MROH7: variants seen among roughly 807,000 people sequenced by gnomAD.
MROH7 encodes maestro heat like repeat family member 7.
A neutral mutation model predicts 129.2 loss-of-function variants in MROH7; 113 were observed. The ratio of observed to expected loss-of-function variants is 0.87; its 90% CI spans 0.75 to 1.02. The LOEUF (loss-of-function observed/expected upper bound fraction) is 1.02. MROH7 is among the 50% of genes least tolerant of loss of function. The pLI is 0.00. For synonymous variants in MROH7, 655 were observed against 667.9 expected, an observed-to-expected ratio of 0.98 and a Z score of 0.30; for missense variants, 1,601 against 1,671.3, an observed-to-expected ratio of 0.96 and a Z score of 0.73.
Position 54,687,278 on chromosome 1 carries a change from T to C in MROH7, c.2711+830T>C, listed in dbSNP as rs915451065. Among the ~76,000 whole-genome samples the C allele has an allele frequency of 2.0e-5, 3 of 152,210 alleles. No homozygotes were observed. In the East Asian group the frequency reaches 5.8e-4, roughly 29 times the overall value. On this transcript the variant is annotated intron_variant, in intron 15 of 23. Transcript: ENST00000421030. Reference sequence around the variant, plus strand: ...TTAGTAGAGATGGGGTTTCACCACGTTGGCCAGGCTGGTCTTGAACTCCTG... The same window carrying C: ...TTAGTAGAGATGGGGTTTCACCACGCTGGCCAGGCTGGTCTTGAACTCCTG...
chr1:54,657,048 C>T (rs1018007815), intron 3 of MROH7, among the ~76,000 whole-genome samples: 2 of 132,436 alleles, frequency 1.5e-5, no homozygotes, highest in African/African-American at 2.8e-5. Context: ...TTCTCACCAT[C>T]TTTTTTTTTT....
At chr1:54,695,634 G>C in intron 17 of MROH7, 144 bp downstream of exon 17, 3 of 709,828 alleles carry the variant, frequency 4.2e-6, no homozygotes, top group Non-Finnish European at 7.8e-6. Flanking sequence ...TGATGATCTT[G>C]TTGGTCTCCC....
rs1645164674 is a variant in MROH7, at chr1:54,687,357, G to A, written c.2711+909G>A. ...CCCAAAGTGTTGGGATTATAGGCGT[G>A]AGCCACTGCACCCGGCTGAGCTGTC... On this transcript the variant is annotated intron_variant, in intron 15 of 23. Coordinates refer to ENST00000421030, the MANE Select transcript of MROH7 (RefSeq NM_001039464.4). Among the ~76,000 whole-genome samples the A allele has an allele frequency of 2.6e-5, 4 of 152,342 alleles. No homozygotes were observed. The South Asian group carries it at 8.3e-4, about 32-fold the overall frequency.
At chr1:54,686,576 G>A in intron 15 of MROH7, 128 bp downstream of exon 15, 1 of 814,250 alleles carries the variant, frequency 1.2e-6, no homozygotes, top group African/African-American at 1.7e-5. Context: ...AGAGAAAACA[G>A]AAGCACAATT....
chr1:54,656,149 C>T (rs1459451170), intron 3 of MROH7, among the ~76,000 whole-genome samples: 5 of 151,948 alleles, frequency 3.3e-5, no homozygotes, highest in South Asian at 2.1e-4. Flanking sequence ...CTGCCTCAGC[C>T]GCCCAAAGTG....
intron 13 of MROH7, among the ~76,000 whole-genome samples, chr1:54,682,268 G>A (rs1051011973): frequency 9.3e-5 from 14 of 151,036 alleles, no homozygotes; most frequent in East Asian, 1.9e-4. Context: ...GGGTTCAAGC[G>A]ATTCTCCTGC....
At chr1:54,660,147 G>C (rs963468635) in intron 3 of MROH7, among the ~76,000 whole-genome samples, 7 of 152,172 alleles carry the variant, frequency 4.6e-5, no homozygotes, top group African/African-American at 1.7e-4. Context: ...AAACAACAGG[G>C]ATTTATTTTC....
chr1:54,670,450 C>G, intron 5 of MROH7, 47 bp from the exon 6 acceptor site: 1 of 1,571,162 alleles, frequency 6.4e-7, no homozygotes, highest in Non-Finnish European at 8.7e-7. Context: ...CCCTGGTGGC[C>G]TGCAGTAGCC....
rs1446324385 is a variant in MROH7 at position 54,653,311 on chromosome 1, C to T, written c.385C>T (p.Leu129=). ...CCTCTGTCCAGCCTCAAACCCCATT[C>T]TGAGCCCTAGCTCTACTGAGGCCCC... is the stretch of plus-strand genomic sequence containing the variant. ...GRLCPASNPI[L]SPSSTEAPRL... is the part of the protein sequence containing the mutation. The change falls in exon 3 of 24, where the codon CTG becomes TTG. Residue 129 remains leucine, a synonymous_variant. Coordinates refer to ENST00000421030, the MANE Select transcript of MROH7 (RefSeq NM_001039464.4). 2 of 1,614,096 alleles carry T rather than the reference C, an allele frequency of 1.2e-6. No individual in the cohort carries two copies. Among genetic ancestry groups the T allele is most frequent in the Non-Finnish European group, 1.7e-6 (2 of 1,180,048 alleles).
Position 54,701,239 on chromosome 1 carries a change from G to A in MROH7, c.3202G>A (p.Val1068Ile). 6.2e-7 allele frequency: 1 copy of A among 1,614,176 alleles called. No homozygotes were observed. The highest frequency in any genetic ancestry group is 8.5e-7 in the Non-Finnish European group (1 of 1,179,990). Residue 1068 changes from valine to isoleucine, a missense_variant, in exon 19 of 24, where the codon GTC (valine) becomes ATC (isoleucine). By Grantham distance (29) the Val-to-Ile change is conservative. Coordinates refer to ENST00000421030, the MANE Select transcript of MROH7 (RefSeq NM_001039464.4). ...VVEAVHNLKA[V>I]FKGRDQKLMD... ...GGAAGCGGTCCACAACCTCAAGGCT[G>A]TCTTCAAGGGGCGGGACCAGAAGCT... is the stretch of plus-strand genomic sequence containing the variant.
intron 1 of MROH7, among the ~76,000 whole-genome samples, chr1:54,650,626 C>G (rs889851893): frequency 1.3e-5 from 2 of 151,738 alleles, no homozygotes; most frequent in Non-Finnish European, 2.9e-5. Context: ...TCCCTCTTGC[C>G]TTTCTCCTCT....
At chr1:54,673,067 G>C (rs774794804) in intron 7 of MROH7, 24 bp from the exon 8 acceptor site, 3 of 1,590,890 alleles carry the variant, frequency 1.9e-6, no homozygotes, top group Non-Finnish European at 2.6e-6. Flanking sequence ...TGCCTTAGTG[G>C]CTTGGTCCTC....
In MROH7 at chr1:54,667,815, T is replaced by A. The variant is rs141481261; in HGVS notation, c.1306-1039T>A. Among the ~76,000 whole-genome samples the A allele has an allele frequency of 7.0e-4, 106 of 152,162 alleles. No homozygotes were observed. The East Asian group carries it at 0.019, about 28-fold the overall frequency. On this transcript the variant is annotated intron_variant, in intron 4 of 23. Coordinates refer to ENST00000421030, the MANE Select transcript of MROH7 (RefSeq NM_001039464.4). ...GCTGGGCATGGTGGCCCAGTAGTCC[T>A]ATGTAGTCCATGTAGTCCTAGCTAC...
At chr1:54,669,913 A>G (rs1346621626) in intron 5 of MROH7, among the ~76,000 whole-genome samples, 2 of 151,834 alleles carry the variant, frequency 1.3e-5, no homozygotes, top group Non-Finnish European at 1.5e-5. Flanking sequence ...CTGAGGCAAG[A>G]TAATCGCTTG....
At chr1:54,707,588 G>T (rs1645555908) in intron 22 of MROH7, among the ~76,000 whole-genome samples, 1 of 152,144 alleles carries the variant, frequency 6.6e-6, no homozygotes, top group African/African-American at 2.4e-5. Flanking sequence ...TGTGGGGGCT[G>T]CTCAGAGACA....
intron 3 of MROH7, among the ~76,000 whole-genome samples, chr1:54,661,001 C>T (rs1022608925): frequency 7.0e-6 from 1 of 143,256 alleles, no homozygotes; most frequent in African/African-American, 2.7e-5. Context: ...CCAGTTCAAA[C>T]GTTTTGTGCT....
chr1:54,698,801 T>C (rs1049480001), intron 17 of MROH7: 5 of 151,244 alleles, frequency 3.3e-5, no homozygotes, highest in East Asian at 2.0e-4. Context: ...TTCTTTCTTT[T>C]TTTTTTTTTT....
intron 15 of MROH7, among the ~76,000 whole-genome samples, chr1:54,689,501 T>G (rs944701230): frequency 6.6e-6 from 1 of 152,184 alleles, no homozygotes; most frequent in African/African-American, 2.4e-5. Flanking sequence ...TGCTCCAGAC[T>G]GCAGTGATGA....
rs373089784 is a variant in MROH7 at position 54,653,284 on chromosome 1, C to A, written c.358C>A (p.Arg120Ser). 1 of 1,614,014 alleles carries A rather than the reference C, an allele frequency of 6.2e-7. No individual in the cohort carries two copies. Among genetic ancestry groups the A allele is most frequent in the African/African-American group, 1.3e-5 (1 of 74,908 alleles). The change falls in exon 3 of 24, where the codon CGC becomes AGC. Residue 120 changes from arginine to serine, a missense_variant. By Grantham distance (110) the Arg-to-Ser change is moderately radical (BLOSUM62 -1). Coordinates refer to ENST00000421030, the MANE Select transcript of MROH7 (RefSeq NM_001039464.4). ...TGTCTCAAGGCCTGACTCACAGGGG[C>A]GCCTCTGTCCAGCCTCAAACCCCAT... ...KDVSRPDSQGRLCPASNPILS... is the reference protein window; with the variant it reads ...KDVSRPDSQGSLCPASNPILS...
Sources: gnomAD v4.1 joint callset for allele counts (sites outside exome capture counted in the v4.1 genomes callset) on GRCh38, gnomAD v4.1.1 for gene constraint, MANE v1.5 for transcripts, NCBI Gene and HGNC (gene_info 2026-07-23, HGNC 2026-07-21) for gene names.